The following EPN2 variants were observed in gnomAD, a reference collection of about 807,000 sequenced individuals.
EPN2 encodes epsin-2.
A neutral mutation model predicts 61.7 loss-of-function variants in EPN2; 34 were observed. The observed-to-expected ratio is 0.55, with a 90% CI of 0.42 to 0.73. The LOEUF (loss-of-function observed/expected upper bound fraction) is 0.73, where lower values mean the gene tolerates loss of function less well. EPN2 is among the 30% of genes least tolerant of loss of function. EPN2 has a pLI of 0.00. For synonymous variants in EPN2, 349 were observed against 353.6 expected, an observed-to-expected ratio of 0.99 and a Z score of 0.15; for missense variants, 714 against 839.2, an observed-to-expected ratio of 0.85 and a Z score of 1.84.
chr17:19,246,726 GTTTTT>G (rs764061282), intron 1 of EPN2, among the ~76,000 whole-genome samples: 1 of 113,854 alleles, frequency 8.8e-6, no homozygotes, highest in African/African-American at 3.2e-5. Flanking sequence ...GTTTTGTTTT[GTTTTT>G]TTTTTCCCCC....
chr17:19,297,790 A>G (rs1483857346), intron 4 of EPN2, among the ~76,000 whole-genome samples: 2 of 152,196 alleles, frequency 1.3e-5, no homozygotes, highest in Non-Finnish European at 2.9e-5. Flanking sequence ...AAATAGGACA[A>G]TTATGCAGTT....
chr17:19,334,059 A>G lies in EPN2; in HGVS notation c.1731A>G (p.Thr577=). ...GGAGCCCAGTCCTGGGGACCAGCAC[A>G]TCCTTTGGGCCTGGCCCAGGAGTGG... ...LRGSPVLGTS[T]SFGPGPGVES... Residue 577 remains threonine (T), a synonymous_variant, in exon 11 of 11, where the codon ACA becomes ACG. Coordinates refer to ENST00000314728, the MANE Select transcript of EPN2 (RefSeq NM_014964.5). The surrounding 1 kb of genome is among the most constrained non-coding windows in gnomAD (Gnocchi z 4.9). 6.2e-7 allele frequency: 1 copy of G among 1,609,664 alleles called. No individual in the cohort carries two copies. Among genetic ancestry groups the G allele is most frequent in the South Asian group, 1.1e-5 (1 of 90,260 alleles).
intron 1 of EPN2, among the ~76,000 whole-genome samples, chr17:19,277,295 G>A (rs1423658031): frequency 1.3e-5 from 2 of 151,712 alleles, no homozygotes; most frequent in East Asian, 3.9e-4. Context: ...CAGCTACTTG[G>A]GTGGCTGAGG....
intron 1 of EPN2, among the ~76,000 whole-genome samples, chr17:19,240,025 G>A (rs935687777): frequency 8.6e-5 from 13 of 151,794 alleles, no homozygotes; most frequent in African/African-American, 2.9e-4. Context: ...GGCAACTTTC[G>A]GTTGTGAACT....
intron 7 of EPN2, among the ~76,000 whole-genome samples, chr17:19,321,309 C>T (rs989331533): frequency 2.0e-5 from 3 of 152,288 alleles, no homozygotes; most frequent in Middle Eastern, 3.4e-3. Context: ...TGCTCTGGCA[C>T]GCACAGTGGC....
Position 19,283,251 on chromosome 17 carries a change from C to T in EPN2, c.132C>T (p.Ala44=), listed in dbSNP as rs573311322. ...GPSSSLMTEI[A]DLTYNVVAFS... is the part of the protein sequence containing the mutation. ...CCAGTTCTCTGATGACCGAGATTGC[C>T]GACCTGACCTACAACGTGGTGGCCT... is the stretch of plus-strand genomic sequence containing the variant. Residue 44 remains alanine (A), a synonymous_variant, in exon 3 of 11, where the codon GCC becomes GCT. Coordinates refer to ENST00000314728, the MANE Select transcript of EPN2 (RefSeq NM_014964.5). The surrounding 1 kb of genome is among the most constrained non-coding windows in gnomAD (Gnocchi z 7.0). 36 of 1,614,116 alleles carry T rather than the reference C, an allele frequency of 2.2e-5. No homozygotes were observed. The highest frequency in any genetic ancestry group is 1.1e-4 in the South Asian group (10 of 91,068).
intron 4 of EPN2, among the ~76,000 whole-genome samples, chr17:19,303,404 C>T (rs1212928435): frequency 6.6e-6 from 1 of 152,236 alleles, no homozygotes; most frequent in African/African-American, 2.4e-5. Context: ...TCCCTGCAGT[C>T]TGTGTCATGG....
Position 19,334,411 on chromosome 17 carries a change from C to T in EPN2, c.*157C>T. 1 of 540,376 alleles carries T rather than the reference C, an allele frequency of 1.9e-6. No individual in the cohort carries two copies. Among genetic ancestry groups the T allele is most frequent in the Non-Finnish European group, 2.9e-6 (1 of 341,720 alleles). The allele number at this position is 540,376 out of a possible 1,614,324, so 33.5% of individuals were successfully genotyped here. On this transcript the variant is annotated 3_prime_UTR_variant, in exon 11 of 11. Transcript: ENST00000314728. The surrounding 1 kb of genome is among the most constrained non-coding windows in gnomAD (Gnocchi z 4.9). ...AAGGGCTGTCTTTACAGCCCCAACC[C>T]TCAGACCCTCGCCTTCCAAGGCAGG...
At chr17:19,330,477 C>T (rs187683758) in intron 9 of EPN2, 139 of 152,418 alleles carry the variant, frequency 9.1e-4, no homozygotes, top group African/African-American at 3.0e-3. Flanking sequence ...TGACCCTGCT[C>T]GACCCCCTTG....
At chr17:19,327,727 A>ATG (rs750600108) in intron 7 of EPN2, among the ~76,000 whole-genome samples, 79 of 152,172 alleles carry the variant, frequency 5.2e-4, no homozygotes, top group Non-Finnish European at 9.6e-4. Context: ...CATAATATAT[A>ATG]TGTGTGTGTG....
At chr17:19,270,878 G>C (rs1053564491) in intron 1 of EPN2, among the ~76,000 whole-genome samples, 1 of 152,178 alleles carries the variant, frequency 6.6e-6, no homozygotes, top group Non-Finnish European at 1.5e-5. Flanking sequence ...CATGTGTTAA[G>C]CACCTGGTAG....
At chr17:19,255,071 C>G in intron 1 of EPN2, among the ~76,000 whole-genome samples, 1 of 152,124 alleles carries the variant, frequency 6.6e-6, no homozygotes, top group East Asian at 1.9e-4. Context: ...GGTGGGCACC[C>G]TTCTCAAGGG....
At chr17:19,279,306 G>T (rs565528530) in intron 1 of EPN2, among the ~76,000 whole-genome samples, 2 of 152,198 alleles carry the variant, frequency 1.3e-5, no homozygotes, top group African/African-American at 4.8e-5. Flanking sequence ...TGGGAGCCCT[G>T]GCTGGGCCTC....
chr17:19,295,366 A>ACACGTGCG (rs147719775), intron 4 of EPN2, among the ~76,000 whole-genome samples: 6 of 140,318 alleles, frequency 4.3e-5, no homozygotes, highest in Admixed American at 6.8e-5. Flanking sequence ...ACACACACAC[A>ACACGTGCG]CGCGCGTGCG....
At chr17:19,308,490 G>GT (rs1297692076) in intron 4 of EPN2, 1 of 985,338 alleles carries the variant, frequency 1.0e-6, no homozygotes, top group African/African-American at 1.7e-5. Flanking sequence ...CCCAACAGGT[G>GT]TTTGTCAGCC....
rs745860350 is a variant in EPN2 at position 19,283,143 on chromosome 17, G to A, written c.24G>A (p.Arg8=). The change falls in exon 3 of 11, where the codon CGG becomes CGA. Residue 8 remains arginine (R), a synonymous_variant. Transcript: ENST00000314728. The surrounding 1 kb of genome is among the most constrained non-coding windows in gnomAD (Gnocchi z 7.0). MTTSSIR[R]QMKNIVNNYS... ...AAATGACGACTTCGTCTATCAGACG[G>A]CAGATGAAAAACATCGTGAACAATT... The A allele has an allele frequency of 9.3e-6, 15 of 1,611,142 alleles. No individual in the cohort carries two copies. In the African/African-American group the frequency reaches 1.9e-4, roughly 20 times the overall value.
intron 4 of EPN2, among the ~76,000 whole-genome samples, chr17:19,289,144 G>T (rs555744495): frequency 3.1e-4 from 45 of 146,932 alleles, no homozygotes; most frequent in African/African-American, 1.1e-3. Flanking sequence ...GAGTGCAGTG[G>T]CACGATCTCC....
chr17:19,266,718 T>C (rs886534549), intron 1 of EPN2, among the ~76,000 whole-genome samples: 1 of 151,384 alleles, frequency 6.6e-6, no homozygotes, highest in African/African-American at 2.4e-5. Flanking sequence ...GCATTATGAA[T>C]ATGAATATAT....
chr17:19,302,705 G>A (rs1905590957), intron 4 of EPN2, among the ~76,000 whole-genome samples: 1 of 152,196 alleles, frequency 6.6e-6, no homozygotes, highest in Non-Finnish European at 1.5e-5. Flanking sequence ...AATGTAATGT[G>A]CTTGAATCAT....
Sources: allele counts gnomAD v4.1 joint callset (sites outside exome capture counted in the v4.1 genomes callset), GRCh38; gene constraint gnomAD v4.1.1; non-coding constraint Gnocchi (gnomAD v3.1); transcripts MANE v1.5; gene names NCBI Gene and HGNC (gene_info 2026-07-23, HGNC 2026-07-21).